Variants in DAB2IP observed in about 807,000 individuals in gnomAD.
DAB2IP encodes the protein disabled homolog 2-interacting protein.
DAB2IP carries 28 observed loss-of-function variants against 107.2 expected under a neutral mutation model. The observed-to-expected ratio is 0.26, with a 90% CI of 0.19 to 0.36. The LOEUF (loss-of-function observed/expected upper bound fraction) is 0.36, where lower values mean the gene tolerates loss of function less well. Among genes scored for constraint, DAB2IP ranks in the 10% least tolerant of loss-of-function variants. The pLI, the probability that DAB2IP is intolerant of heterozygous loss-of-function variation, is 1.00. For synonymous variants in DAB2IP, 755 were observed against 706.4 expected, an observed-to-expected ratio of 1.07 and a Z score of -1.09; for missense variants, 1,400 against 1,644.7, an observed-to-expected ratio of 0.85 and a Z score of 2.57.
chr9:121,724,683 A>G (rs896007161), intron 3 of DAB2IP, among the ~76,000 whole-genome samples: 2 of 152,208 alleles, frequency 1.3e-5, no homozygotes, highest in African/African-American at 4.8e-5. Context: ...ATTGCTGTCT[A>G]CATTTTACAG....
intron 1 of DAB2IP, among the ~76,000 whole-genome samples, chr9:121,589,516 G>C (rs1830380544): frequency 6.6e-6 from 1 of 152,068 alleles, no homozygotes; most frequent in African/African-American, 2.4e-5. Flanking sequence ...CGCTCCCAAG[G>C]CTGGTAGCAG....
intron 1 of DAB2IP, among the ~76,000 whole-genome samples, chr9:121,614,733 C>A (rs946850274): frequency 5.2e-5 from 5 of 95,496 alleles, no homozygotes; most frequent in Non-Finnish European, 7.9e-5. Flanking sequence ...TTCTTTCTTT[C>A]TTTCTTTTTT....
intron 1 of DAB2IP, among the ~76,000 whole-genome samples, chr9:121,665,333 C>T (rs1427780247): frequency 6.6e-6 from 1 of 152,072 alleles, no homozygotes; most frequent in South Asian, 2.1e-4. Flanking sequence ...CATAGTGAGA[C>T]CCCGTCTCTA....
chr9:121,611,077 G>A (rs1179272396), intron 1 of DAB2IP, among the ~76,000 whole-genome samples: 2 of 152,166 alleles, frequency 1.3e-5, no homozygotes, highest in Non-Finnish European at 2.9e-5. Flanking sequence ...CTGGGTTCAA[G>A]CAATTCTCCT....
intron 1 of DAB2IP, among the ~76,000 whole-genome samples, chr9:121,622,749 C>T (rs1460944796): frequency 6.6e-6 from 1 of 152,032 alleles, no homozygotes; most frequent in Non-Finnish European, 1.5e-5. Context: ...CACCACCCCA[C>T]CCCCTGCCCC....
In DAB2IP at chr9:121,702,062, G is replaced by A. The variant is rs187421656; in HGVS notation, c.362+2604G>A. Among the ~76,000 whole-genome samples the A allele has an allele frequency of 3.3e-5, 5 of 152,298 alleles. No individual in the cohort carries two copies. Among genetic ancestry groups the A allele is most frequent in the Admixed American group, 2.0e-4 (3 of 15,300 alleles). ...GAGTCCTGGTCCCCATGGCCTTCCC[G>A]TGTAGATGAGCGGCACAGGGCACTC... On this transcript the variant is annotated intron_variant, in intron 3 of 15. Transcript: ENST00000408936. This position sits in a 1 kb window ranked among gnomAD's most constrained non-coding sequence, Gnocchi z 4.5.
chr9:121,609,535 T>C (rs973575469), intron 1 of DAB2IP, among the ~76,000 whole-genome samples: 6 of 152,204 alleles, frequency 3.9e-5, no homozygotes, highest in South Asian at 2.1e-4. Context: ...ACTGACCTTT[T>C]CTGTACATTT....
chr9:121,600,922 G>A lies in DAB2IP; in HGVS notation c.40+33694G>A, dbSNP rs551349251. Among the ~76,000 whole-genome samples the A allele has an allele frequency of 4.6e-5, 7 of 152,276 alleles. No homozygotes were observed. In the East Asian group the frequency reaches 1.4e-3, roughly 29 times the overall value. ...AGCCGATCTATACCCTGGAGCCTGT[G>A]CCCTCTTGCTGTCTGAGAGAGCCAG... is the stretch of plus-strand genomic sequence containing the variant. On this transcript the variant is annotated intron_variant, in intron 1 of 16. Coordinates refer to the DAB2IP transcript ENST00000259371.
chr9:121,658,660 A>G (rs1833069192), intron 1 of DAB2IP, among the ~76,000 whole-genome samples: 1 of 152,198 alleles, frequency 6.6e-6, no homozygotes, highest in South Asian at 2.1e-4. Flanking sequence ...AGCCCTCCAA[A>G]TAATAATAAC....
At chr9:121,627,163 AC>A (rs2119008502) in intron 1 of DAB2IP, among the ~76,000 whole-genome samples, 2 of 151,752 alleles carry the variant, frequency 1.3e-5, no homozygotes, top group African/African-American at 2.4e-5. Context: ...ACACACACAC[AC>A]ACACAAGCAT....
At chr9:121,652,859 G>A (rs919963021) in intron 1 of DAB2IP, among the ~76,000 whole-genome samples, 1 of 152,162 alleles carries the variant, frequency 6.6e-6, no homozygotes, top group African/African-American at 2.4e-5. Context: ...TTTTCTTGTC[G>A]GTGTGAGGGT....
intron 2 of DAB2IP, among the ~76,000 whole-genome samples, chr9:121,697,558 T>C (rs79376100): frequency 0.057 from 8,675 of 152,264 alleles, 545 homozygotes; most frequent in African/African-American, 0.15. Flanking sequence ...TTGGGGTCCC[T>C]CTGCATTAAG....
At chr9:121,773,552 A>T in intron 12 of DAB2IP, 57 bp downstream of exon 12, 1 of 1,390,686 alleles carries the variant, frequency 7.2e-7, no homozygotes, top group Non-Finnish European at 9.3e-7. Context: ...TGGGGCTGTC[A>T]TACCCCATAC....
chr9:121,658,543 T>C (rs1019374229), intron 1 of DAB2IP, among the ~76,000 whole-genome samples: 1 of 152,226 alleles, frequency 6.6e-6, no homozygotes, highest in Non-Finnish European at 1.5e-5. Flanking sequence ...GTTTGTTCAA[T>C]ATTTAATTAT....
intron 1 of DAB2IP, among the ~76,000 whole-genome samples, chr9:121,615,776 A>C (rs1335136817): frequency 2.0e-5 from 3 of 151,822 alleles, no homozygotes; most frequent in African/African-American, 7.3e-5. Flanking sequence ...ACAGGTGCGC[A>C]CCACCATGCC....
chr9:121,665,725 A>G (rs921126927), intron 1 of DAB2IP, among the ~76,000 whole-genome samples: 1 of 152,236 alleles, frequency 6.6e-6, no homozygotes, highest in East Asian at 1.9e-4. Context: ...AAGGTGCATT[A>G]TGGAGAAAGA....
exon 7 of DAB2IP, chr9:121,763,546 C>T (rs896396352): frequency 7.4e-6 from 12 of 1,613,766 alleles, no homozygotes; most frequent in African/African-American, 1.3e-5. Context: ...TGGACCGCTG[C>T]GGGGACAACG....
At chr9:121,741,353 A>G (rs1241355559) in intron 3 of DAB2IP, among the ~76,000 whole-genome samples, 1 of 152,182 alleles carries the variant, frequency 6.6e-6, no homozygotes, top group Non-Finnish European at 1.5e-5. Context: ...ACACGTGAGC[A>G]TGGAAGACAA....
chr9:121,575,728 C>T (rs1830042426), intron 1 of DAB2IP, among the ~76,000 whole-genome samples: 1 of 151,994 alleles, frequency 6.6e-6, no homozygotes, highest in Admixed American at 6.6e-5. Context: ...GCCTTCTGCT[C>T]CCACTGCCCC....
Sources: allele counts gnomAD v4.1 joint callset (sites outside exome capture counted in the v4.1 genomes callset), GRCh38; gene constraint gnomAD v4.1.1; non-coding constraint Gnocchi (gnomAD v3.1); transcripts MANE v1.5; gene names NCBI Gene and HGNC (gene_info 2026-07-23, HGNC 2026-07-21).